The following BBX variants were observed in gnomAD, a reference collection of about 807,000 sequenced individuals.
The protein encoded by BBX is HMG box transcription factor BBX.
In BBX, 30 loss-of-function variants were observed where a neutral mutation model predicts 100.2. The ratio of observed to expected loss-of-function variants is 0.30; its 90% CI spans 0.22 to 0.41. The LOEUF (loss-of-function observed/expected upper bound fraction) is 0.41, where lower values mean the gene tolerates loss of function less well. Among genes scored for constraint, BBX ranks in the 10% least tolerant of loss-of-function variants. The pLI, the probability that BBX is intolerant of heterozygous loss-of-function variation, is 1.00. For missense variants in BBX, 1,023 were observed against 1,129.8 expected (o/e 0.91, Z 1.35); for synonymous variants, 376 against 388.1 (o/e 0.97, Z 0.37).
At chr3:107,530,729 A>C (rs777502516) in intron 2 of BBX, among the ~76,000 whole-genome samples, 1 of 152,256 alleles carries the variant, frequency 6.6e-6, no homozygotes, top group East Asian at 1.9e-4. Context: ...ACTGAGGTAT[A>C]TTATAAAAAA....
In BBX at chr3:107,779,020, TACAC is replaced by T. The variant is rs66512735; in HGVS notation, c.2203+515_2203+518del. ...ATATATATATATATATATATATATA[TACAC>T]ACACACACACACATATACATTGGTT... On this transcript the variant is annotated intron_variant, in intron 13 of 17. Transcript: ENST00000325805. Among the ~76,000 whole-genome samples, 839 of 95,608 alleles carry T rather than the reference TACAC, an allele frequency of 8.8e-3. 42 individuals are homozygous for T. Among genetic ancestry groups the T allele is most frequent in the African/African-American group, 0.024 (583 of 24,474 alleles). 62.7% of individuals were successfully genotyped at this position (95,608 alleles called of 152,430 possible).
intron 2 of BBX, among the ~76,000 whole-genome samples, chr3:107,598,414 T>G (rs1203364691): frequency 1.3e-5 from 2 of 152,182 alleles, no homozygotes; most frequent in Non-Finnish European, 2.9e-5. Context: ...CCCCTTTATA[T>G]CTTGTGCTAG....
At chr3:107,604,294 G>A (rs899370096) in intron 2 of BBX, among the ~76,000 whole-genome samples, 1 of 151,992 alleles carries the variant, frequency 6.6e-6, no homozygotes, top group Non-Finnish European at 1.5e-5. Context: ...GTCCTCTTAG[G>A]TCGGAACTCT....
Position 107,773,663 on chromosome 3 carries a change from G to A in BBX, c.1915+27G>A, listed in dbSNP as rs781598418. 7.7e-6 allele frequency: 12 copies of A among 1,560,970 alleles called. No individual in the cohort carries two copies. In the East Asian group the frequency reaches 2.7e-4, roughly 35 times the overall value. On this transcript the variant is annotated intron_variant, in intron 11 of 17. Transcript: ENST00000325805. This position sits in a 1 kb window ranked among gnomAD's most constrained non-coding sequence, Gnocchi z 4.1. ...TAAGTAACTTCTACAAACCTGAAAA[G>A]AATTCAAAAACCAAACAGAATTTCA...
At chr3:107,726,121 G>T (rs922176200) in intron 5 of BBX, among the ~76,000 whole-genome samples, 10 of 152,002 alleles carry the variant, frequency 6.6e-5, no homozygotes, top group African/African-American at 2.4e-4. Context: ...TCAGCTGTTC[G>T]CTTCAGAGGA....
Position 107,809,692 on chromosome 3 carries a change from G to A in BBX, c.*4235G>A, listed in dbSNP as rs1260687985. On this transcript the variant is annotated 3_prime_UTR_variant, in exon 18 of 18. Transcript: ENST00000325805. ...GTATTGCTGAAAATGGGCAGTAGAA[G>A]CAAATGCTGTTGTTACATTTGACCT... 1.3e-5 allele frequency: 2 copies of A among 152,232 alleles called. No homozygotes were observed. Among genetic ancestry groups the A allele is most frequent in the African/African-American group, 2.4e-5 (1 of 41,462 alleles). 9.4% of individuals were successfully genotyped at this position (152,232 alleles called of 1,614,324 possible).
chr3:107,577,866 C>A (rs2051920247), intron 2 of BBX, among the ~76,000 whole-genome samples: 1 of 151,780 alleles, frequency 6.6e-6, no homozygotes, highest in Non-Finnish European at 1.5e-5. Context: ...ACGAGCCTGG[C>A]CAAGCATAGA....
intron 3 of BBX, among the ~76,000 whole-genome samples, chr3:107,671,243 T>C (rs2059007055): frequency 1.3e-5 from 2 of 152,082 alleles, no homozygotes; most frequent in Non-Finnish European, 2.9e-5. Flanking sequence ...TTTTGGGTAG[T>C]GCAAAGAAAT....
At chr3:107,599,274 C>T (rs2053891784) in intron 2 of BBX, 1 of 152,494 alleles carries the variant, frequency 6.6e-6, no homozygotes, top group Admixed American at 6.5e-5. Flanking sequence ...TCTCCCCCAG[C>T]TGAGTTCCTT....
intron 2 of BBX, chr3:107,641,914 T>A (rs2057236034): frequency 6.6e-6 from 1 of 152,200 alleles, no homozygotes; most frequent in Admixed American, 6.5e-5. Context: ...GTTGCCACTT[T>A]CTTTATTTTA....
intron 3 of BBX, among the ~76,000 whole-genome samples, chr3:107,693,991 T>C (rs2108106853): frequency 6.6e-6 from 1 of 150,548 alleles, no homozygotes; most frequent in East Asian, 1.9e-4. Flanking sequence ...ATGATTTGGC[T>C]CTCTGTCTGT....
chr3:107,694,033 T>C (rs1292904675), intron 3 of BBX, among the ~76,000 whole-genome samples: 1 of 145,856 alleles, frequency 6.9e-6, no homozygotes, highest in African/African-American at 2.6e-5. Context: ...GTGATTTTTG[T>C]ACATTGATTT....
At chr3:107,623,704 G>A (rs940025522) in intron 2 of BBX, among the ~76,000 whole-genome samples, 1 of 152,102 alleles carries the variant, frequency 6.6e-6, no homozygotes, top group South Asian at 2.1e-4. Context: ...TATTTAGAAG[G>A]GGTCATGAAA....
chr3:107,553,584 G>A (rs2049861321), intron 2 of BBX, among the ~76,000 whole-genome samples: 1 of 152,162 alleles, frequency 6.6e-6, no homozygotes, highest in South Asian at 2.1e-4. Flanking sequence ...AATAGGAGAG[G>A]TAGATTTTAG....
chr3:107,679,780 C>A (rs2107982547), intron 3 of BBX, among the ~76,000 whole-genome samples: 1 of 152,290 alleles, frequency 6.6e-6, no homozygotes, highest in Non-Finnish European at 1.5e-5. Flanking sequence ...AAGCCCCTCT[C>A]ATCTTGATGT....
intron 16 of BBX, among the ~76,000 whole-genome samples, chr3:107,800,687 A>G (rs987347937): frequency 2.0e-5 from 3 of 152,256 alleles, no homozygotes; most frequent in Non-Finnish European, 4.4e-5. Context: ...TTGCCATAGT[A>G]GGGCATGCTA....
chr3:107,686,060 A>G (rs1320158650), intron 3 of BBX, among the ~76,000 whole-genome samples: 1 of 152,198 alleles, frequency 6.6e-6, no homozygotes, highest in East Asian at 1.9e-4. Flanking sequence ...CTTATTGTAA[A>G]TAAACCTGGC....
chr3:107,564,535 T>A (rs1462921762), intron 2 of BBX, among the ~76,000 whole-genome samples: 1 of 152,206 alleles, frequency 6.6e-6, no homozygotes, highest in African/African-American at 2.4e-5. Flanking sequence ...TTATTGTTAA[T>A]GTTGTGAGAT....
chr3:107,625,427 G>A (rs370860342), intron 2 of BBX, among the ~76,000 whole-genome samples: 5 of 152,082 alleles, frequency 3.3e-5, no homozygotes, highest in Non-Finnish European at 5.9e-5. Flanking sequence ...ACAGGCATGC[G>A]CCACTACACC....
Sources: allele counts gnomAD v4.1 joint callset (sites outside exome capture counted in the v4.1 genomes callset), GRCh38; gene constraint gnomAD v4.1.1; non-coding constraint Gnocchi (gnomAD v3.1); transcripts MANE v1.5; gene names NCBI Gene and HGNC (gene_info 2026-07-23, HGNC 2026-07-21).